The following GDA variants were observed in gnomAD, a reference collection of about 807,000 sequenced individuals.
GDA encodes cytoplasmic PSD-95 interactor.
GDA carries 18 observed loss-of-function variants against 59.6 expected under a neutral mutation model. That is an observed-to-expected ratio of 0.30 (90% CI 0.21 to 0.45). GDA has a LOEUF of 0.45. Ranked by LOEUF, GDA falls within the 20% of genes least tolerant of loss-of-function variation. The pLI is 1.00. For missense variants in GDA, 427 were observed against 552.3 expected (o/e 0.77, Z 2.27); for synonymous variants, 201 against 201.1 (o/e 1.00, Z 0.00).
chr9:72,143,051 G>A (rs1826497930), intron 1 of GDA, among the ~76,000 whole-genome samples: 1 of 151,504 alleles, frequency 6.6e-6, no homozygotes, highest in African/African-American at 2.4e-5. Flanking sequence ...TTACAGGCAT[G>A]AGCCACTGTA....
chr9:72,185,328 A>G (rs1481293488), intron 1 of GDA, among the ~76,000 whole-genome samples: 3 of 152,208 alleles, frequency 2.0e-5, no homozygotes, highest in African/African-American at 4.8e-5. Context: ...AGGCATTTAA[A>G]ATAACCTGGC....
At chr9:72,193,187 T>C (rs1356307241) in intron 1 of GDA, among the ~76,000 whole-genome samples, 2 of 152,192 alleles carry the variant, frequency 1.3e-5, no homozygotes, top group Admixed American at 1.3e-4. Flanking sequence ...GTCTTGATAC[T>C]TGTAGATGTT....
chr9:72,164,827 CA>C (rs1207256639), intron 1 of GDA, among the ~76,000 whole-genome samples: 190 of 138,348 alleles, frequency 1.4e-3, no homozygotes, highest in Middle Eastern at 7.4e-3. Flanking sequence ...ACTAAAAATA[CA>C]AAAAAAAAAA....
intron 5 of GDA, among the ~76,000 whole-genome samples, chr9:72,216,658 G>C (rs1293230147): frequency 6.6e-6 from 1 of 151,570 alleles, no homozygotes; most frequent in African/African-American, 2.4e-5. Flanking sequence ...CGATTGCCTG[G>C]GGCTGGAAGT....
intron 2 of GDA, among the ~76,000 whole-genome samples, chr9:72,195,910 G>A (rs1344003783): frequency 6.6e-6 from 1 of 152,090 alleles, no homozygotes; most frequent in East Asian, 1.9e-4. Context: ...ACAGTCCATG[G>A]AGGACAAAGA....
chr9:72,234,765 T>A (rs377412097), intron 10 of GDA, among the ~76,000 whole-genome samples: 5 of 152,204 alleles, frequency 3.3e-5, no homozygotes, highest in East Asian at 3.8e-4. Flanking sequence ...ATAAAAAAAT[T>A]TCTACAATAT....
chr9:72,200,210 A>C (rs1393138265), intron 2 of GDA, among the ~76,000 whole-genome samples: 8 of 151,820 alleles, frequency 5.3e-5, no homozygotes, highest in Non-Finnish European at 5.9e-5. Flanking sequence ...GTTAGCCAGG[A>C]TGGTCTCGAT....
At chr9:72,150,418 A>G (rs1297667961) in intron 1 of GDA, among the ~76,000 whole-genome samples, 1 of 152,160 alleles carries the variant, frequency 6.6e-6, no homozygotes, top group Non-Finnish European at 1.5e-5. Context: ...TCTTCTTTGA[A>G]TGTATCTTTT....
At chr9:72,145,558 C>T (rs1826596555), upstream of GDA, among the ~76,000 whole-genome samples, 1 of 152,156 alleles carries the variant, frequency 6.6e-6, no homozygotes, top group Non-Finnish European at 1.5e-5. Flanking sequence ...ACTGACTAAG[C>T]TACAGGTATA....
chr9:72,205,396 C>A (rs1001485058), intron 3 of GDA, among the ~76,000 whole-genome samples: 1 of 152,114 alleles, frequency 6.6e-6, no homozygotes, highest in Non-Finnish European at 1.5e-5. Flanking sequence ...TAGGGCACTT[C>A]CTGAACTTTC....
intron 1 of GDA, among the ~76,000 whole-genome samples, chr9:72,170,052 C>T (rs1455685948): frequency 3.9e-5 from 6 of 152,154 alleles, no homozygotes; most frequent in Non-Finnish European, 8.8e-5. Flanking sequence ...GTAAATTAAA[C>T]AAACACAATG....
At chr9:72,255,877 C>T (rs1840871587), downstream of GDA, among the ~76,000 whole-genome samples, 1 of 152,122 alleles carries the variant, frequency 6.6e-6, no homozygotes, top group Non-Finnish European at 1.5e-5. Context: ...TTTATTGTAA[C>T]TTATGGGGGA....
intron 1 of GDA, among the ~76,000 whole-genome samples, chr9:72,193,468 C>G (rs926809984): frequency 7.2e-5 from 11 of 152,270 alleles, no homozygotes; most frequent in African/African-American, 2.7e-4. Context: ...CCCTTACTAT[C>G]TCCCAAACAG....
At chr9:72,183,125 A>G (rs1315192129) in intron 1 of GDA, among the ~76,000 whole-genome samples, 1 of 152,342 alleles carries the variant, frequency 6.6e-6, no homozygotes, top group East Asian at 1.9e-4. Flanking sequence ...TTAGAAACCA[A>G]GATCTGAGAA....
intron 2 of GDA, among the ~76,000 whole-genome samples, chr9:72,197,799 A>T (rs932296276): frequency 1.4e-4 from 22 of 152,246 alleles, no homozygotes; most frequent in African/African-American, 5.3e-4. Flanking sequence ...TGATTAAAAT[A>T]CCATAAAGGG....
downstream of GDA, among the ~76,000 whole-genome samples, chr9:72,255,473 G>T (rs955304587): frequency 2.6e-5 from 4 of 152,000 alleles, no homozygotes; most frequent in African/African-American, 9.7e-5. Flanking sequence ...CAGAAAACAA[G>T]GTTTAGACCA....
chr9:72,140,560 G>T (rs1333834199), intron 1 of GDA, among the ~76,000 whole-genome samples: 2 of 152,050 alleles, frequency 1.3e-5, no homozygotes, highest in African/African-American at 4.8e-5. Flanking sequence ...GCTGGTTTTT[G>T]ATTGATTTTG....
chr9:72,170,093 C>T (rs149547854), intron 1 of GDA, among the ~76,000 whole-genome samples: 96 of 152,192 alleles, frequency 6.3e-4, no homozygotes, highest in African/African-American at 2.0e-3. Flanking sequence ...TTTAATATTA[C>T]GGGATATGAC....
In GDA at chr9:72,195,518, G is replaced by A; in HGVS notation, c.142G>A (p.Ala48Thr). 6.6e-7 allele frequency: 1 copy of A among 1,522,236 alleles called. No individual in the cohort carries two copies. Among genetic ancestry groups the A allele is most frequent in the Non-Finnish European group, 9.0e-7 (1 of 1,105,398 alleles). The allele number at this position is 1,522,236 out of a possible 1,614,324, so 94.3% of individuals were successfully genotyped here. ...TTTAAAGATAGTGTTTTTAGAAGAA[G>A]CATCTCAACAGGAAAAACTGGCCAA... is the stretch of plus-strand genomic sequence containing the variant. ...DSGKIVFLEE[A>T]SQQEKLAKEW... The change falls in exon 2 of 14, where the codon GCA (alanine) becomes ACA (threonine). Residue 48 changes from alanine to threonine, a missense_variant. Transcript: ENST00000358399.
Sources: allele counts gnomAD v4.1 joint callset (sites outside exome capture counted in the v4.1 genomes callset), GRCh38; gene constraint gnomAD v4.1.1; transcripts MANE v1.5; gene names NCBI Gene and HGNC (gene_info 2026-07-23, HGNC 2026-07-21).